The following ARID3A variants were observed in gnomAD, a reference collection of about 807,000 sequenced individuals.
ARID3A encodes the protein AT-rich interactive domain-containing protein 3A.
In ARID3A, 11 loss-of-function variants were observed where a neutral mutation model predicts 52.7. The ratio of observed to expected loss-of-function variants is 0.21; its 90% confidence interval spans 0.13 to 0.35. ARID3A has a LOEUF of 0.35. ARID3A is among the 10% of genes least tolerant of loss of function. The pLI, the probability that ARID3A is intolerant of heterozygous loss-of-function variation, is 1.00. For missense variants in ARID3A, 721 were observed against 838.5 expected, an observed-to-expected ratio of 0.86 and a Z score of 1.73; for synonymous variants, 404 against 359.4, an observed-to-expected ratio of 1.12 and a Z score of -1.40.
chr19:971,797 G>C, intron 8 of ARID3A, 81 bp from the exon 9 acceptor site: 2 of 1,478,854 alleles, frequency 1.4e-6, no homozygotes, highest in Admixed American at 4.7e-5. Flanking sequence ...ATTCCCCGGA[G>C]CACCCCATTG....
rs1473835847 is a variant in ARID3A, at chr19:968,433, G to A, written c.1524G>A (p.Val508=). 1 of 1,614,050 alleles carries A rather than the reference G, an allele frequency of 6.2e-7. No individual in the cohort carries two copies. The highest frequency in any genetic ancestry group is 8.5e-7 in the Non-Finnish European group (1 of 1,179,958). Reference sequence around the variant, plus strand: ...CCGAAAGCCGCCAGGACTCTGCTGTGAACCTGACGGGCACCAACGGCAGCA... The same window carrying A: ...CCGAAAGCCGCCAGGACTCTGCTGTAAACCTGACGGGCACCAACGGCAGCA... The part of the protein sequence containing the change: ...QASESRQDSA[V]NLTGTNGSNS... The change falls in exon 8 of 9, where the codon GTG becomes GTA. Residue 508 remains valine, a synonymous_variant. Transcript: ENST00000263620.
In ARID3A at chr19:929,622, C is replaced by A. The variant is rs760005633; in HGVS notation, c.94C>A (p.Pro32Thr). The A allele has an allele frequency of 5.2e-6, 8 of 1,525,580 alleles. No individual in the cohort carries two copies. The South Asian group carries it at 9.6e-5, about 18-fold the overall frequency. The allele number at this position is 1,525,580 out of a possible 1,614,324, so 94.5% of individuals were successfully genotyped here. The change falls in exon 2 of 9, where the codon CCT becomes ACT. Residue 32 changes from proline (P) to threonine (T), a missense_variant. Pro to Thr is a conservative substitution (Grantham distance 38). Transcript: ENST00000263620. This position sits in a 1 kb window ranked among gnomAD's most constrained non-coding sequence, Gnocchi z 6.2. ...EARQQLPPDPPAAPPGRARAA... is the reference protein window; with the variant it reads ...EARQQLPPDPTAAPPGRARAA... ...CCGGCAGCAGCTGCCCCCCGATCCC[C>A]CTGCTGCACCCCCCGGCCGGGCCCG...
Position 929,843 on chromosome 19 carries a change from C to G in ARID3A, c.315C>G (p.Gly105=). 6.5e-7 allele frequency: 1 copy of G among 1,545,018 alleles called. No homozygotes were observed. The highest frequency in any genetic ancestry group is 1.2e-5 in the South Asian group (1 of 84,120). ...REGTPGSPGR[G]REGPGEEHFE... is the part of the protein sequence containing the mutation. ...GGACACCGGGCTCACCCGGGCGAGG[C>G]AGAGAAGGGCCAGGAGAGGAGCACT... The change falls in exon 2 of 9, where the codon GGC becomes GGG. Residue 105 remains glycine (G), a synonymous_variant. Transcript: ENST00000263620. This position sits in a 1 kb window ranked among gnomAD's most constrained non-coding sequence, Gnocchi z 6.2.
chr19:934,706 G>A (rs374593180), intron 3 of ARID3A, among the ~76,000 whole-genome samples: 6 of 152,222 alleles, frequency 3.9e-5, no homozygotes, highest in South Asian at 2.1e-4. Flanking sequence ...TTGGAACTCC[G>A]AGAAGATGAG....
chr19:958,773 G>T (rs994090661), intron 3 of ARID3A, among the ~76,000 whole-genome samples: 1 of 152,004 alleles, frequency 6.6e-6, no homozygotes, highest in African/African-American at 2.4e-5. Context: ...GGCGCCTGTA[G>T]TCCCAGCTAC....
At position 942,313 on chromosome 19, in the gene ARID3A, G is replaced by A. The variant is rs111438540; in HGVS notation, c.693+9571G>A. Among the ~76,000 whole-genome samples, 351 of 152,322 alleles carry A rather than the reference G, an allele frequency of 2.3e-3. 3 individuals carry two copies. Among genetic ancestry groups the A allele is most frequent in the African/African-American group, 8.1e-3 (335 of 41,572 alleles). On this transcript the variant is annotated intron_variant, in intron 3 of 8. Transcript: ENST00000263620. The surrounding 1 kb of genome is among the most constrained non-coding windows in gnomAD (Gnocchi z 8.1). ...GACTGTCGATCCTGACTGGGGCGGT[G>A]GCGACATGGCCCCCGCAGCTGCCCG...
rs779513674 is a variant in ARID3A, at chr19:965,042, A to G, written c.1160A>G (p.Asn387Ser). 6 of 1,612,870 alleles carry G rather than the reference A, an allele frequency of 3.7e-6. No homozygotes were observed. The Admixed American group carries it at 6.7e-5, about 18-fold the overall frequency. ...TCCCTGGGCCTGGCCGCAAGCACCA[A>G]TGGCAGCTCCATCACCCCCGCCCCT... ...VSSLGLAAST[N>S]GSSITPAPKI... The change falls in exon 6 of 9, where the codon AAT (asparagine) becomes AGT (serine). Residue 387 changes from asparagine to serine, a missense_variant. Transcript: ENST00000263620.
At chr19:955,083 G>A (rs947078522) in intron 3 of ARID3A, among the ~76,000 whole-genome samples, 13 of 152,138 alleles carry the variant, frequency 8.5e-5, no homozygotes, top group Admixed American at 6.5e-4. Flanking sequence ...GCAGGGTTTC[G>A]GCCACAGAAC....
intron 3 of ARID3A, among the ~76,000 whole-genome samples, chr19:954,597 C>T (rs1318769656): frequency 2.6e-5 from 4 of 152,074 alleles, no homozygotes; most frequent in African/African-American, 7.2e-5. Flanking sequence ...TGGGGCCATG[C>T]GAGGGCTGGG....
chr19:931,962 T>C (rs2037338628), intron 2 of ARID3A, among the ~76,000 whole-genome samples: 1 of 149,158 alleles, frequency 6.7e-6, no homozygotes, highest in Admixed American at 6.7e-5. Flanking sequence ...ACAGCATGCA[T>C]GGTGCAGGAT....
chr19:949,122 A>G lies in ARID3A; in HGVS notation c.694-10970A>G, dbSNP rs10421594. ...GTGAAGGGCTTTGCAGGTTGCTGGT[A>G]CTCTGCAAACCTGGTTACCAGAGAG... is the stretch of plus-strand genomic sequence containing the variant. On this transcript the variant is annotated intron_variant, in intron 3 of 8. Coordinates refer to ENST00000263620, the MANE Select transcript of ARID3A (RefSeq NM_005224.3). Among the ~76,000 whole-genome samples the G allele has an allele frequency of 8.1e-3, 1,234 of 152,084 alleles. 21 individuals carry two copies. The highest frequency in any genetic ancestry group is 0.029 in the African/African-American group (1,186 of 41,470).
chr19:942,401 G>A lies in ARID3A; in HGVS notation c.693+9659G>A, dbSNP rs1342546411. On this transcript the variant is annotated intron_variant, in intron 3 of 8. Transcript: ENST00000263620. This position sits in a 1 kb window ranked among gnomAD's most constrained non-coding sequence, Gnocchi z 8.1. ...TGACTCAAGGTCCTCTCCACTGGCC[G>A]CCGGGAGCCGGGCCGGGAGCCGCTG... is the stretch of plus-strand genomic sequence containing the variant. Among the ~76,000 whole-genome samples the A allele has an allele frequency of 6.6e-6, 1 of 152,158 alleles. No individual in the cohort carries two copies. Among genetic ancestry groups the A allele is most frequent in the Non-Finnish European group, 1.5e-5 (1 of 68,014 alleles).
At position 975,384 on chromosome 19, in the gene ARID3A, C is replaced by T. The variant is rs1413642438; in HGVS notation, c.*3319C>T. ...ACGGGGCACGGGGGGCAGCTGGGGT[C>T]GTTGTTAAGGGTCACGCATCTGTAC... On this transcript the variant is annotated 3_prime_UTR_variant, in exon 9 of 9. Transcript: ENST00000263620. 11 of 231,616 alleles carry T rather than the reference C, an allele frequency of 4.7e-5. No homozygotes were observed. The highest frequency in any genetic ancestry group is 1.1e-4 in the Admixed American group (2 of 17,744). 14.3% of individuals were successfully genotyped at this position (231,616 alleles called of 1,614,324 possible). A position where few individuals can be genotyped will look rare whatever the true frequency, so the allele number is the denominator to read the frequency against.
Position 941,013 on chromosome 19 carries a change from C to A in ARID3A, c.693+8271C>A, listed in dbSNP as rs998979749. Among the ~76,000 whole-genome samples the A allele has an allele frequency of 6.6e-6, 1 of 152,196 alleles. No individual in the cohort carries two copies. The highest frequency in any genetic ancestry group is 2.4e-5 in the African/African-American group (1 of 41,562). On this transcript the variant is annotated intron_variant, in intron 3 of 8. Transcript: ENST00000263620. This position sits in a 1 kb window ranked among gnomAD's most constrained non-coding sequence, Gnocchi z 6.9. ...TCAGCCGGAAGAGCCTTATCTGGCC[C>A]CTGCGCCACCGCCTGGCCGTCGGGT...
rs755538493 is a variant in ARID3A at position 972,007 on chromosome 19, C to G, written c.1724C>G (p.Ala575Gly). Residue 575 changes from alanine (A) to glycine (G), a missense_variant, in exon 9 of 9, where the codon GCT becomes GGT. By Grantham distance (60) the Ala-to-Gly change is moderately conservative. Around this residue, in one of 5 missense-constraint regions of ARID3A, gnomAD observed 297 missense variants for 343.2 expected, o/e 0.87. Coordinates refer to ENST00000263620, the MANE Select transcript of ARID3A (RefSeq NM_005224.3). ...GGNTGTSGGQ[A>G]GPAGLSTPST... is the part of the protein sequence containing the mutation. ...AACACCGGAACCAGCGGCGGCCAGG[C>G]TGGGCCAGCGGGGCTGTCCACACCC... is the stretch of plus-strand genomic sequence containing the variant. The G allele has an allele frequency of 1.9e-6, 3 of 1,600,648 alleles. No individual in the cohort carries two copies. Among genetic ancestry groups the G allele is most frequent in the South Asian group, 1.1e-5 (1 of 90,318 alleles).
intron 1 of ARID3A, among the ~76,000 whole-genome samples, chr19:926,883 T>TCC (rs150653564): frequency 1.9e-4 from 28 of 150,452 alleles, no homozygotes; most frequent in African/African-American, 6.6e-4. Flanking sequence ...CTGGAGGGGT[T>TCC]CCCCCCCCCA....
intron 2 of ARID3A, among the ~76,000 whole-genome samples, chr19:932,078 C>T (rs899214258): frequency 6.6e-6 from 1 of 152,088 alleles, no homozygotes; most frequent in Non-Finnish European, 1.5e-5. Context: ...TCACTACAGC[C>T]TCCATCTCCT....
rs781585823 is a variant in ARID3A at position 932,493 on chromosome 19, G to A, written c.444G>A (p.Glu148=). ...AGGAGGAGGAGGAGGAGGATTACGA[G>A]GATGAGGAGGAGGAGGAGGACGAGG... ...EDEEEEEEDY[E]DEEEEEDEEG... The change falls in exon 3 of 9, where the codon GAG becomes GAA. Residue 148 remains glutamate (E), a synonymous_variant. Coordinates refer to ENST00000263620, the MANE Select transcript of ARID3A (RefSeq NM_005224.3). 3 of 1,566,986 alleles carry A rather than the reference G, an allele frequency of 1.9e-6. No homozygotes were observed. Among genetic ancestry groups the A allele is most frequent in the Admixed American group, 2.1e-5 (1 of 47,688 alleles).
intron 8 of ARID3A, 110 bp downstream of exon 8, chr19:968,613 G>A (rs533472260): frequency 1.8e-5 from 18 of 977,780 alleles, no homozygotes; most frequent in Admixed American, 8.5e-5. Flanking sequence ...GTGTGCGGGC[G>A]AGCAGGGCAC....
Sources: allele counts gnomAD v4.1 joint callset (sites outside exome capture counted in the v4.1 genomes callset), GRCh38; gene constraint gnomAD v4.1.1; regional missense constraint gnomAD v4.1.1; non-coding constraint Gnocchi (gnomAD v3.1); transcripts MANE v1.5; gene names NCBI Gene and HGNC (gene_info 2026-07-23, HGNC 2026-07-21).